SPIDR: variants seen among roughly 807,000 people sequenced by gnomAD.
SPIDR encodes scaffold protein involved in DNA repair.
SPIDR carries 93 observed loss-of-function variants against 104.6 expected under a neutral mutation model. The observed-to-expected ratio is 0.89, with a 90% confidence interval of 0.75 to 1.06. The LOEUF (loss-of-function observed/expected upper bound fraction) is 1.06. Among genes scored for constraint, SPIDR ranks in the 50% least tolerant of loss-of-function variants. The pLI is 0.00. For synonymous variants in SPIDR, 431 were observed against 416.9 expected (o/e 1.03, Z -0.41); for missense variants, 1,154 against 1,111.2 (o/e 1.04, Z -0.55).
At chr8:47,462,182 C>T (rs2074052132) in intron 8 of SPIDR, among the ~76,000 whole-genome samples, 1 of 152,128 alleles carries the variant, frequency 6.6e-6, no homozygotes, top group Admixed American at 6.5e-5. Context: ...ATTATTATTT[C>T]TCTTCTGGAT....
At chr8:47,377,390 G>A (rs528187429) in intron 5 of SPIDR, among the ~76,000 whole-genome samples, 2 of 152,292 alleles carry the variant, frequency 1.3e-5, no homozygotes, top group Admixed American at 1.3e-4. Flanking sequence ...ACTCATGACT[G>A]CAGTTTATTA....
intron 7 of SPIDR, among the ~76,000 whole-genome samples, chr8:47,434,496 G>A (rs1373499226): frequency 2.0e-5 from 3 of 152,198 alleles, no homozygotes; most frequent in Non-Finnish European, 2.9e-5. Flanking sequence ...GAGACAGAGC[G>A]ATAATGTAGG....
chr8:47,725,844 C>T (rs1309333505), intron 16 of SPIDR, among the ~76,000 whole-genome samples: 1 of 152,244 alleles, frequency 6.6e-6, no homozygotes, highest in Non-Finnish European at 1.5e-5. Context: ...TGCTTAATCC[C>T]ATATAAATGT....
intron 8 of SPIDR, among the ~76,000 whole-genome samples, chr8:47,545,071 T>TTTTCTTTCTTTCTTTC (rs566816481): frequency 3.4e-4 from 43 of 124,774 alleles, no homozygotes; most frequent in East Asian, 1.2e-3. Flanking sequence ...TCTTTTTATC[T>TTTTCTTTCTTTCTTTC]TTTCTTTCTT....
At chr8:47,464,201 A>G (rs150081704) in intron 8 of SPIDR, among the ~76,000 whole-genome samples, 19 of 152,282 alleles carry the variant, frequency 1.2e-4, no homozygotes, top group African/African-American at 4.1e-4. Context: ...GCAGATTAAT[A>G]TACAAAAATT....
chr8:47,704,257 C>T (rs1211068499), intron 14 of SPIDR, among the ~76,000 whole-genome samples: 3 of 152,368 alleles, frequency 2.0e-5, no homozygotes, highest in Non-Finnish European at 4.4e-5. Context: ...ATCAATACTT[C>T]ACCACCTTTA....
In SPIDR at chr8:47,440,339, A is replaced by G. The variant is rs1348835330; in HGVS notation, c.894A>G (p.Val298=). 1 of 1,614,030 alleles carries G rather than the reference A, an allele frequency of 6.2e-7. No individual in the cohort carries two copies. The highest frequency in any genetic ancestry group is 8.5e-7 in the Non-Finnish European group (1 of 1,180,008). Residue 298 remains valine, a synonymous_variant, in exon 8 of 20, where the codon GTA becomes GTG. Coordinates refer to ENST00000297423, the MANE Select transcript of SPIDR (RefSeq NM_001080394.4). The stretch of plus-strand genomic sequence containing the variant: ...AACTTCTAGGTAGAAAATCTGGTGT[A>G]TTAACTGTGAAAATTTTAGAGCTGC... ...QKTLSGRKSG[V]LTVKILELHE... is the part of the protein sequence containing the mutation.
intron 5 of SPIDR, among the ~76,000 whole-genome samples, chr8:47,326,143 T>C (rs1308704411): frequency 3.3e-5 from 5 of 152,198 alleles, no homozygotes; most frequent in African/African-American, 1.2e-4. Context: ...TAGTGGTGCA[T>C]GCCACCACGT....
chr8:47,595,866 T>G lies in SPIDR; in HGVS notation c.1153T>G (p.Cys385Gly). The change falls in exon 9 of 20, where the codon TGT becomes GGT. Residue 385 changes from cysteine (C) to glycine (G), a missense_variant. By Grantham distance (159) the Cys-to-Gly change is radical. Coordinates refer to ENST00000297423, the MANE Select transcript of SPIDR (RefSeq NM_001080394.4). ...CCCTGTTATTCTGAATACTTACTTT[T>G]GTGAGAAAGTTGTTGCCAAAGAAGA... is the stretch of plus-strand genomic sequence containing the variant. The part of the protein sequence containing the change: ...SCPVILNTYF[C>G]EKVVAKEDSE... 6.2e-7 allele frequency: 1 copy of G among 1,614,232 alleles called. No individual in the cohort carries two copies.
intron 10 of SPIDR, among the ~76,000 whole-genome samples, chr8:47,665,033 T>G (rs1181898822): frequency 6.6e-6 from 1 of 152,132 alleles, no homozygotes; most frequent in African/African-American, 2.4e-5. Context: ...AGAGAGAGGA[T>G]GATGCCGAAA....
chr8:47,486,674 G>T (rs2077681569), intron 8 of SPIDR, among the ~76,000 whole-genome samples: 1 of 152,214 alleles, frequency 6.6e-6, no homozygotes, highest in Non-Finnish European at 1.5e-5. Flanking sequence ...CCGCAAGCCA[G>T]AAGAGAGTGG....
intron 5 of SPIDR, among the ~76,000 whole-genome samples, chr8:47,374,258 A>G (rs1246008654): frequency 6.6e-6 from 1 of 152,194 alleles, no homozygotes; most frequent in Non-Finnish European, 1.5e-5. Flanking sequence ...ATGGTGGCTC[A>G]TGCCTGTAAT....
At chr8:47,490,258 C>T (rs1749725528) in intron 8 of SPIDR, among the ~76,000 whole-genome samples, 3 of 152,202 alleles carry the variant, frequency 2.0e-5, no homozygotes, top group South Asian at 2.1e-4. Flanking sequence ...TGCTCATCAT[C>T]ACTGGCCATC....
intron 8 of SPIDR, among the ~76,000 whole-genome samples, chr8:47,487,128 T>C (rs575993890): frequency 1.3e-5 from 2 of 152,218 alleles, no homozygotes; most frequent in East Asian, 3.9e-4. Flanking sequence ...GAGACACACA[T>C]AGGCTCAAAA....
intron 6 of SPIDR, among the ~76,000 whole-genome samples, chr8:47,406,237 G>C (rs538399337): frequency 6.6e-6 from 1 of 152,174 alleles, no homozygotes; most frequent in Admixed American, 6.5e-5. Context: ...AGAGGTGCTA[G>C]GTATATTATC....
chr8:47,276,709 G>A (rs2154218659), intron 1 of SPIDR: 1 of 152,372 alleles, frequency 6.6e-6, no homozygotes, highest in South Asian at 2.1e-4. Flanking sequence ...GAGCAAGCTA[G>A]ATGGCGTCAA....
intron 11 of SPIDR, among the ~76,000 whole-genome samples, chr8:47,690,557 G>A (rs1438462508): frequency 1.3e-5 from 2 of 151,858 alleles, no homozygotes; most frequent in Admixed American, 6.6e-5. Context: ...GGTGGCTCAC[G>A]CCTGGAATCC....
At chr8:47,395,474 G>A (rs1554657756) in intron 5 of SPIDR, among the ~76,000 whole-genome samples, 1 of 152,192 alleles carries the variant, frequency 6.6e-6, no homozygotes, top group African/African-American at 2.4e-5. Context: ...AATTAGATGG[G>A]ACTTTTAGTG....
At chr8:47,309,915 T>C (rs2043813331) in intron 5 of SPIDR, among the ~76,000 whole-genome samples, 1 of 151,928 alleles carries the variant, frequency 6.6e-6, no homozygotes, top group Non-Finnish European at 1.5e-5. Flanking sequence ...GGCGGGCGCC[T>C]GTAGTCCCAG....
Sources: allele counts gnomAD v4.1 joint callset (sites outside exome capture counted in the v4.1 genomes callset), GRCh38; gene constraint gnomAD v4.1.1; transcripts MANE v1.5; gene names NCBI Gene and HGNC (gene_info 2026-07-23, HGNC 2026-07-21).